Variants in IFRD1 observed in about 807,000 individuals in gnomAD.
IFRD1 encodes interferon related developmental regulator 1, also known as interferon-related developmental regulator 1.
IFRD1 carries 35 observed loss-of-function variants against 52.9 expected under a neutral mutation model. The observed-to-expected ratio is 0.66, with a 90% CI of 0.51 to 0.88. The LOEUF (loss-of-function observed/expected upper bound fraction) is 0.88, where lower values mean the gene tolerates loss of function less well. IFRD1 is among the 40% of genes least tolerant of loss of function. The pLI is 0.00. For synonymous variants in IFRD1, 184 were observed against 188.4 expected (o/e 0.98, Z 0.19); for missense variants, 517 against 550.8 (o/e 0.94, Z 0.61).
At chr7:112,448,769 G>A (rs1795085309), upstream of IFRD1, among the ~76,000 whole-genome samples, 1 of 152,226 alleles carries the variant, frequency 6.6e-6, no homozygotes, top group Non-Finnish European at 1.5e-5. Context: ...GTTGTGAGGA[G>A]GAAGAAACTT....
At chr7:112,466,572 T>C (rs1453715108) in intron 8 of IFRD1, among the ~76,000 whole-genome samples, 2 of 152,136 alleles carry the variant, frequency 1.3e-5, no homozygotes, top group Non-Finnish European at 2.9e-5. Flanking sequence ...CAAAAATGTC[T>C]CAGACATAGT....
chr7:112,469,107 G>A (rs1004003114), intron 9 of IFRD1, among the ~76,000 whole-genome samples: 9 of 152,050 alleles, frequency 5.9e-5, no homozygotes, highest in African/African-American at 2.2e-4. Context: ...GGATTTGAAG[G>A]GTGTGTTTCT....
chr7:112,427,307 G>C (rs144960970), intron 1 of IFRD1, among the ~76,000 whole-genome samples: 4 of 152,316 alleles, frequency 2.6e-5, no homozygotes, highest in South Asian at 2.1e-4. Context: ...TGGGGATTAA[G>C]TTTCCAACAC....
intron 5 of IFRD1, among the ~76,000 whole-genome samples, chr7:112,459,983 TTTTTC>T (rs1377338865): frequency 3.9e-5 from 6 of 152,222 alleles, no homozygotes; most frequent in Non-Finnish European, 8.8e-5. Context: ...GCTACTTAAC[TTTTTC>T]TTTTCTTCTT....
At chr7:112,469,480 G>T (rs1175768828) in intron 9 of IFRD1, among the ~76,000 whole-genome samples, 1 of 152,008 alleles carries the variant, frequency 6.6e-6, no homozygotes, top group African/African-American at 2.4e-5. Context: ...TTAAAAATTA[G>T]TCTTATAATT....
chr7:112,466,171 C>T (rs914426489), intron 8 of IFRD1, among the ~76,000 whole-genome samples: 5 of 151,876 alleles, frequency 3.3e-5, no homozygotes, highest in Admixed American at 6.6e-5. Context: ...ATATAATTAT[C>T]GTAAAGTCCT....
chr7:112,456,429 G>A lies in IFRD1; in HGVS notation c.284+343G>A, dbSNP rs73428471. Among the ~76,000 whole-genome samples the A allele has an allele frequency of 8.4e-3, 1,275 of 152,180 alleles. 17 individuals carry two copies. The highest frequency in any genetic ancestry group is 0.029 in the African/African-American group (1,202 of 41,538). ...TTAATCTTCAACTAGAAATGATAACGAAACCTTGCTTTAAGCTGCTTGTCC... is the reference window on the plus strand; with the variant it reads ...TTAATCTTCAACTAGAAATGATAACAAAACCTTGCTTTAAGCTGCTTGTCC... On this transcript the variant is annotated intron_variant, in intron 3 of 11. Coordinates refer to ENST00000403825, the MANE Select transcript of IFRD1 (RefSeq NM_001550.4).
At chr7:112,447,137 T>C (rs573557970), upstream of IFRD1, among the ~76,000 whole-genome samples, 1 of 152,364 alleles carries the variant, frequency 6.6e-6, no homozygotes, top group South Asian at 2.1e-4. Context: ...TTACTTGTTC[T>C]TGAATCAAAG....
chr7:112,460,677 T>C (rs1476459556), intron 5 of IFRD1, among the ~76,000 whole-genome samples: 1 of 152,130 alleles, frequency 6.6e-6, no homozygotes, highest in African/African-American at 2.4e-5. Context: ...CTTTTAGATT[T>C]TAACAGTGTC....
At chr7:112,468,681 G>A (rs1262028534) in intron 9 of IFRD1, among the ~76,000 whole-genome samples, 4 of 152,096 alleles carry the variant, frequency 2.6e-5, no homozygotes, top group Non-Finnish European at 5.9e-5. Flanking sequence ...TGTATTTTTA[G>A]TAGAGACAGG....
chr7:112,438,800 T>C (rs969367235), intron 1 of IFRD1, among the ~76,000 whole-genome samples: 2 of 152,154 alleles, frequency 1.3e-5, no homozygotes, highest in Admixed American at 1.3e-4. Flanking sequence ...TTTTGGAATA[T>C]AGCAAAGGTA....
At position 112,476,514 on chromosome 7, in the gene IFRD1, T is replaced by C. The variant is rs1375520849; in HGVS notation, c.*995T>C. On this transcript the variant is annotated 3_prime_UTR_variant, in exon 12 of 12. Transcript: ENST00000403825. ...CTCTACCAGAAATTTAAAAAATGAG[T>C]GTGGTGGTGTGTGCTTCTACTCTTT... 1 of 151,640 alleles carries C rather than the reference T, an allele frequency of 6.6e-6. No individual in the cohort carries two copies. The highest frequency in any genetic ancestry group is 1.9e-4 in the East Asian group (1 of 5,138). 9.4% of individuals were successfully genotyped at this position (151,640 alleles called of 1,614,324 possible). A position where few individuals can be genotyped will look rare whatever the true frequency, so the allele number is the denominator to read the frequency against.
chr7:112,472,152 G>A, intron 9 of IFRD1, 67 bp from the exon 10 acceptor site: 2 of 1,506,218 alleles, frequency 1.3e-6, no homozygotes, highest in Non-Finnish European at 1.8e-6. Flanking sequence ...TTTAGAAATT[G>A]TGTTTACATA....
rs1211887579 is a variant in IFRD1 at position 112,462,129 on chromosome 7, A to T, written c.747A>T (p.Thr249=). 1 of 1,613,882 alleles carries T rather than the reference A, an allele frequency of 6.2e-7. No homozygotes were observed. Among genetic ancestry groups the T allele is most frequent in the South Asian group, 1.1e-5 (1 of 91,080 alleles). The change falls in exon 7 of 12, where the codon ACA becomes ACT. Residue 249 remains threonine, a synonymous_variant. Coordinates refer to ENST00000403825, the MANE Select transcript of IFRD1 (RefSeq NM_001550.4). Reference sequence around the variant, plus strand: ...ATATCAGCTCTCTTCTTGCATGGACACTACTGCTGACCATATGCCCAATCA... The same window carrying T: ...ATATCAGCTCTCTTCTTGCATGGACTCTACTGCTGACCATATGCCCAATCA... The part of the protein sequence containing the change: ...VLHISSLLAW[T]LLLTICPINE...
At chr7:112,474,851 C>CTA (rs35907650) in intron 11 of IFRD1, among the ~76,000 whole-genome samples, 69,066 of 151,898 alleles carry the variant, frequency 0.45, 16,198 homozygotes, top group Non-Finnish European at 0.51. Flanking sequence ...TTGGATGAAA[C>CTA]AATGTTGATG....
At chr7:112,434,292 G>C (rs756496485) in intron 1 of IFRD1, among the ~76,000 whole-genome samples, 7 of 152,192 alleles carry the variant, frequency 4.6e-5, no homozygotes, top group Non-Finnish European at 8.8e-5. Context: ...CTGAGAGCAT[G>C]AAAAGAGTTT....
At chr7:112,424,398 A>ATGAT (rs1794383843) in intron 1 of IFRD1, among the ~76,000 whole-genome samples, 1 of 151,020 alleles carries the variant, frequency 6.6e-6, no homozygotes, top group Non-Finnish European at 1.5e-5. Context: ...GGTAAAGATT[A>ATGAT]TGATAGTATT....
At chr7:112,449,713 A>G (rs28568897), upstream of IFRD1, among the ~76,000 whole-genome samples, 1 of 152,008 alleles carries the variant, frequency 6.6e-6, no homozygotes, top group African/African-American at 2.4e-5. Context: ...AGTATTGTCA[A>G]GGGACACATT....
intron 1 of IFRD1, chr7:112,452,292 C>G (rs4727771): frequency 6.9e-6 from 2 of 289,166 alleles, no homozygotes; most frequent in African/African-American, 4.6e-5. Flanking sequence ...CCTCCTGTAG[C>G]TAGGACTACA....
Sources: gnomAD v4.1 joint callset for allele counts (sites outside exome capture counted in the v4.1 genomes callset) on GRCh38, gnomAD v4.1.1 for gene constraint, MANE v1.5 for transcripts, NCBI Gene and HGNC (gene_info 2026-07-23, HGNC 2026-07-21) for gene names.